UNC13C: variants seen among roughly 807,000 people sequenced by gnomAD.
The protein encoded by UNC13C is protein unc-13 homolog C.
Under a neutral mutation model 245.4 loss-of-function variants are expected in UNC13C, and 174 were observed. The ratio of observed to expected loss-of-function variants is 0.71; its 90% CI spans 0.63 to 0.80. The LOEUF is 0.80. UNC13C is among the 30% of genes least tolerant of loss of function. The pLI is 0.00. For missense variants in UNC13C, 2,829 were observed against 2,602.9 expected (o/e 1.09, Z -1.89); for synonymous variants, 992 against 895.1 (o/e 1.11, Z -1.93).
chr15:54,419,894 A>G (rs1044840995), intron 19 of UNC13C, among the ~76,000 whole-genome samples: 1 of 152,258 alleles, frequency 6.6e-6, no homozygotes, highest in South Asian at 2.1e-4. Context: ...TACTCACTCA[A>G]GTATGACAAC....
intron 13 of UNC13C, among the ~76,000 whole-genome samples, chr15:54,303,527 A>G (rs946532150): frequency 6.6e-6 from 1 of 152,186 alleles, no homozygotes; most frequent in Non-Finnish European, 1.5e-5. Flanking sequence ...TATGTATCAC[A>G]TAGATCGTTG....
intron 17 of UNC13C, among the ~76,000 whole-genome samples, chr15:54,357,325 T>C (rs190230344): frequency 6.6e-5 from 10 of 152,160 alleles, no homozygotes; most frequent in Admixed American, 3.9e-4. Context: ...TCAACAAATG[T>C]TTTTGCTTTG....
chr15:54,091,301 C>G (rs1255363286), intron 2 of UNC13C, among the ~76,000 whole-genome samples: 1 of 152,146 alleles, frequency 6.6e-6, no homozygotes, highest in Non-Finnish European at 1.5e-5. Flanking sequence ...CAGCTAATAA[C>G]CTCTATTTTG....
intron 1 of UNC13C, among the ~76,000 whole-genome samples, chr15:53,986,383 T>C (rs12442829): frequency 0.12 from 18,938 of 152,052 alleles, 1,490 homozygotes; most frequent in East Asian, 0.28. Context: ...TCTCTTAAGA[T>C]ACTTGACACT....
At chr15:54,028,892 C>T (rs1394239911) in intron 2 of UNC13C, among the ~76,000 whole-genome samples, 1 of 152,012 alleles carries the variant, frequency 6.6e-6, no homozygotes, top group Non-Finnish European at 1.5e-5. Context: ...CACTGTGCTC[C>T]ATTTCCTCAC....
intron 17 of UNC13C, among the ~76,000 whole-genome samples, chr15:54,377,199 A>C (rs535778831): frequency 6.6e-6 from 1 of 152,330 alleles, no homozygotes; most frequent in African/African-American, 2.4e-5. Flanking sequence ...GCTGTATTTT[A>C]AGAGCACATG....
chr15:54,403,148 A>C (rs528223838), intron 18 of UNC13C, among the ~76,000 whole-genome samples: 1 of 152,196 alleles, frequency 6.6e-6, no homozygotes, highest in East Asian at 1.9e-4. Flanking sequence ...TTGACTATTT[A>C]CCCCATGCAC....
At chr15:54,628,877 T>C (rs181170348), downstream of UNC13C, 2 of 152,184 alleles carry the variant, frequency 1.3e-5, no homozygotes, top group East Asian at 3.9e-4. Context: ...AGTGTGGTGA[T>C]TCCTCAAAGA....
downstream of UNC13C, chr15:54,631,402 A>C (rs1901454873): frequency 6.6e-6 from 1 of 152,176 alleles, no homozygotes; most frequent in Non-Finnish European, 1.5e-5. Flanking sequence ...TTTGGCATAC[A>C]TTTCTGTGTT....
chr15:54,016,279 A>C (rs906459831), intron 2 of UNC13C, among the ~76,000 whole-genome samples: 1 of 152,198 alleles, frequency 6.6e-6, no homozygotes, highest in African/African-American at 2.4e-5. Context: ...TTAAGTTTAC[A>C]GGGATGGAGA....
chr15:54,070,068 T>C (rs1048934315), intron 2 of UNC13C, among the ~76,000 whole-genome samples: 1 of 152,250 alleles, frequency 6.6e-6, no homozygotes, highest in African/African-American at 2.4e-5. Context: ...GCTGGTATTC[T>C]GATTTAGGTC....
intron 18 of UNC13C, among the ~76,000 whole-genome samples, chr15:54,405,887 T>C (rs1445038483): frequency 6.6e-6 from 1 of 152,154 alleles, no homozygotes. Flanking sequence ...ATGGTTTGAA[T>C]AGTATGGAGA....
upstream of UNC13C, among the ~76,000 whole-genome samples, chr15:53,975,307 C>T (rs1186145652): frequency 6.6e-6 from 1 of 152,154 alleles, no homozygotes; most frequent in African/African-American, 2.4e-5. Flanking sequence ...ACATTATTTA[C>T]TTATATAGAG....
intron 26 of UNC13C, among the ~76,000 whole-genome samples, chr15:54,534,110 A>G (rs370147267): frequency 6.6e-6 from 1 of 152,148 alleles, no homozygotes; most frequent in South Asian, 2.1e-4. Flanking sequence ...CGTAAACACC[A>G]CTGCATCGCT....
the UNC13C span, among the ~76,000 whole-genome samples, chr15:53,915,624 A>G: frequency 1.3e-5 from 2 of 152,260 alleles, no homozygotes; most frequent in African/African-American, 4.8e-5. Flanking sequence ...CTCAAAAGTG[A>G]TAGAATATGA....
chr15:53,935,873 G>A, the UNC13C span, among the ~76,000 whole-genome samples: 1 of 152,188 alleles, frequency 6.6e-6, no homozygotes, highest in Non-Finnish European at 1.5e-5. Context: ...GCACAGAGAT[G>A]TGCAAAGTCT....
chr15:54,022,563 C>T (rs891850102), intron 2 of UNC13C, among the ~76,000 whole-genome samples: 1 of 152,178 alleles, frequency 6.6e-6, no homozygotes, highest in Admixed American at 6.5e-5. Flanking sequence ...TAAACGTCTG[C>T]TCAGGTTCTT....
chr15:54,533,051 A>G lies in UNC13C; in HGVS notation c.5681A>G (p.Asp1894Gly), dbSNP rs1416906605. ...GAGATTGTGTTAAGATCTCTTATGGATTTTTTGGACAAAACGTAAGTTTTT... is the reference window on the plus strand; with the variant it reads ...GAGATTGTGTTAAGATCTCTTATGGGTTTTTTGGACAAAACGTAAGTTTTT... ...DAEIVLRSLMDFLDKTLSLSA... is the reference protein window; with the variant it reads ...DAEIVLRSLMGFLDKTLSLSA... The change falls in exon 26 of 33, where the codon GAT becomes GGT. Residue 1894 changes from aspartate to glycine, a missense_variant. Physicochemically the swap from Asp to Gly is moderately conservative, Grantham distance 94 (BLOSUM62 -1). Coordinates refer to ENST00000260323, the MANE Select transcript of UNC13C (RefSeq NM_001080534.3). The G allele has an allele frequency of 2.5e-6, 4 of 1,592,628 alleles. No individual in the cohort carries two copies. In the South Asian group the frequency reaches 4.6e-5, roughly 18 times the overall value.
intron 30 of UNC13C, among the ~76,000 whole-genome samples, chr15:54,600,285 T>C (rs1206856627): frequency 6.6e-6 from 1 of 152,126 alleles, no homozygotes; most frequent in African/African-American, 2.4e-5. Context: ...TAGTGTTATC[T>C]AGGGAACACT....
Sources: allele counts gnomAD v4.1 joint callset (sites outside exome capture counted in the v4.1 genomes callset), GRCh38; gene constraint gnomAD v4.1.1; transcripts MANE v1.5; gene names NCBI Gene and HGNC (gene_info 2026-07-23, HGNC 2026-07-21).